The following KCNH7 variants were observed in gnomAD, a reference collection of about 807,000 sequenced individuals.
KCNH7 encodes potassium voltage-gated channel subfamily H member 7.
KCNH7 carries 49 observed loss-of-function variants against 120.8 expected under a neutral mutation model. The ratio of observed to expected loss-of-function variants is 0.41; its 90% CI spans 0.32 to 0.51. The LOEUF (loss-of-function observed/expected upper bound fraction) is 0.51. KCNH7 is among the 20% of genes least tolerant of loss of function. KCNH7 has a pLI of 0.38. For missense variants in KCNH7, 1,097 were observed against 1,446.6 expected (o/e 0.76, Z 3.92); for synonymous variants, 547 against 516.1 (o/e 1.06, Z -0.81).
intron 2 of KCNH7, among the ~76,000 whole-genome samples, chr2:162,584,810 G>A (rs941332382): frequency 6.6e-6 from 1 of 150,504 alleles, no homozygotes; most frequent in Admixed American, 6.7e-5. Flanking sequence ...GGATGAGCAT[G>A]AGGCCTAAGT....
chr2:162,472,320 A>C (rs1303963892), intron 6 of KCNH7, among the ~76,000 whole-genome samples: 1 of 152,208 alleles, frequency 6.6e-6, no homozygotes, highest in South Asian at 2.1e-4. Flanking sequence ...AATGGGAGAA[A>C]ATTTTTGCAA....
chr2:162,708,373 A>G (rs1378225238), intron 2 of KCNH7, among the ~76,000 whole-genome samples: 4 of 152,082 alleles, frequency 2.6e-5, no homozygotes, highest in Admixed American at 1.3e-4. Context: ...GGGACTAGAG[A>G]AAGAAAAAAG....
intron 6 of KCNH7, among the ~76,000 whole-genome samples, chr2:162,490,659 G>T (rs1690268597): frequency 6.6e-6 from 1 of 152,128 alleles, no homozygotes. Flanking sequence ...AAATGGCGCA[G>T]CTACAGAGGA....
intron 2 of KCNH7, among the ~76,000 whole-genome samples, chr2:162,550,586 G>A (rs1236035290): frequency 6.6e-6 from 1 of 152,046 alleles, no homozygotes. Context: ...GCCCCTGGTG[G>A]CTCTATACTG....
intron 2 of KCNH7, among the ~76,000 whole-genome samples, chr2:162,756,516 C>T (rs1046052449): frequency 2.6e-5 from 4 of 152,124 alleles, no homozygotes; most frequent in African/African-American, 9.7e-5. Context: ...ACCCAGGTTG[C>T]AGTGCAGTGG....
intron 2 of KCNH7, among the ~76,000 whole-genome samples, chr2:162,548,448 C>T (rs1027926900): frequency 1.3e-5 from 2 of 152,138 alleles, no homozygotes; most frequent in Non-Finnish European, 2.9e-5. Context: ...TTTACTGTTG[C>T]TTTTTTGTCT....
chr2:162,591,626 A>G (rs898482364), intron 2 of KCNH7, among the ~76,000 whole-genome samples: 2 of 152,092 alleles, frequency 1.3e-5, no homozygotes, highest in African/African-American at 2.4e-5. Context: ...TCAGTGAGTC[A>G]TGGGGTGACA....
chr2:162,502,621 T>C (rs1283234849), intron 6 of KCNH7, among the ~76,000 whole-genome samples: 1 of 152,096 alleles, frequency 6.6e-6, no homozygotes, highest in Admixed American at 6.6e-5. Context: ...TTTAATCCTG[T>C]CTTTTTCTTC....
At chr2:162,647,556 C>T (rs146103548) in intron 2 of KCNH7, among the ~76,000 whole-genome samples, 165 of 152,208 alleles carry the variant, frequency 1.1e-3, no homozygotes, top group South Asian at 2.5e-3. Context: ...AATTGAATCG[C>T]GAAGGTGGTT....
At chr2:162,663,289 C>T (rs1685029316) in intron 2 of KCNH7, among the ~76,000 whole-genome samples, 1 of 152,154 alleles carries the variant, frequency 6.6e-6, no homozygotes, top group Admixed American at 6.5e-5. Flanking sequence ...TCAATACTCA[C>T]ATTTTACCTT....
chr2:162,752,933 GAAAAGAAA>G (rs1324477007), intron 2 of KCNH7, among the ~76,000 whole-genome samples: 1 of 84,726 alleles, frequency 1.2e-5, no homozygotes, highest in African/African-American at 7.6e-5. Context: ...GAAAAGAAAA[GAAAAGAAA>G]AGAAAAGAAA....
chr2:162,765,725 T>C (rs752488230), intron 2 of KCNH7, among the ~76,000 whole-genome samples: 1 of 152,208 alleles, frequency 6.6e-6, no homozygotes, highest in Non-Finnish European at 1.5e-5. Context: ...TGAATTTTAC[T>C]TCACCTTGAT....
intron 2 of KCNH7, among the ~76,000 whole-genome samples, chr2:162,679,063 G>A (rs996589814): frequency 1.1e-4 from 17 of 151,626 alleles, no homozygotes; most frequent in African/African-American, 4.1e-4. Flanking sequence ...ACAGGTCACA[G>A]GTGTGAAACT....
intron 3 of KCNH7, among the ~76,000 whole-genome samples, chr2:162,520,611 A>G (rs1181703430): frequency 6.6e-6 from 1 of 151,630 alleles, no homozygotes; most frequent in Non-Finnish European, 1.5e-5. Context: ...AAAAACAACA[A>G]CAACAAAAAA....
chr2:162,809,233 C>A (rs1195691607), intron 2 of KCNH7, among the ~76,000 whole-genome samples: 2 of 152,148 alleles, frequency 1.3e-5, no homozygotes, highest in Non-Finnish European at 2.9e-5. Flanking sequence ...ATTTACCCAG[C>A]AACTGTCCCC....
At chr2:162,723,894 C>G (rs1687419796) in intron 2 of KCNH7, among the ~76,000 whole-genome samples, 1 of 152,108 alleles carries the variant, frequency 6.6e-6, no homozygotes. Context: ...CCAATATACA[C>G]AGTTTCAAAT....
intron 12 of KCNH7, among the ~76,000 whole-genome samples, chr2:162,390,485 G>T (rs979478421): frequency 6.6e-6 from 1 of 151,828 alleles, no homozygotes; most frequent in African/African-American, 2.4e-5. Context: ...AAATAGAGAC[G>T]ATTTTTCAGC....
At chr2:162,680,391 G>C (rs2105311287) in intron 2 of KCNH7, among the ~76,000 whole-genome samples, 1 of 151,798 alleles carries the variant, frequency 6.6e-6, no homozygotes, top group East Asian at 1.9e-4. Flanking sequence ...GAAAGAAAAG[G>C]AGTTAGATAT....
chr2:162,718,008 C>T (rs187298916), intron 2 of KCNH7, among the ~76,000 whole-genome samples: 18 of 151,940 alleles, frequency 1.2e-4, no homozygotes, highest in African/African-American at 4.3e-4. Context: ...TCCTTTGGTT[C>T]ATTGTCTCTC....
Sources: allele counts gnomAD v4.1 joint callset (sites outside exome capture counted in the v4.1 genomes callset), GRCh38; gene constraint gnomAD v4.1.1; transcripts MANE v1.5; gene names NCBI Gene and HGNC (gene_info 2026-07-23, HGNC 2026-07-21).